Variants in TSPEAR observed in about 807,000 individuals in gnomAD.
The protein encoded by TSPEAR is thrombospondin type laminin G domain and EAR repeats, also known as thrombospondin-type laminin G domain and EAR repeat-containing protein.
In TSPEAR, 69 loss-of-function variants were observed where a neutral mutation model predicts 71.6. That is an observed-to-expected ratio of 0.96 (90% confidence interval 0.79 to 1.18). The LOEUF (loss-of-function observed/expected upper bound fraction) is 1.18, where lower values mean the gene tolerates loss of function less well. TSPEAR is among the 50% of genes most tolerant of loss of function. The probability of loss-of-function intolerance (pLI) is 0.00; values close to 1 mark genes in which losing one functional copy is unlikely to be tolerated. For synonymous variants in TSPEAR, 402 were observed against 387.2 expected (o/e 1.04, Z -0.45); for missense variants, 971 against 894.9 (o/e 1.09, Z -1.09).
chr21:44,593,520 C>G lies in TSPEAR; in HGVS notation c.83-25515G>C, dbSNP rs777439699. Reference sequence around the variant, plus strand: ...AAGCCCCTCAACTGACTAAATGGATCCCATCTTGCCCACGGGGACCCCCGA... The same window carrying G: ...AAGCCCCTCAACTGACTAAATGGATGCCATCTTGCCCACGGGGACCCCCGA... On this transcript the variant is annotated intron_variant, in intron 1 of 11. Coordinates refer to ENST00000323084, the MANE Select transcript of TSPEAR (RefSeq NM_144991.3). The surrounding 1 kb of genome is among the most constrained non-coding windows in gnomAD (Gnocchi z 5.9). 6.6e-6 allele frequency among the ~76,000 whole-genome samples: 1 copy of G among 152,146 alleles called. No homozygotes were observed. Among genetic ancestry groups the G allele is most frequent in the Non-Finnish European group, 1.5e-5 (1 of 68,032 alleles).
intron 2 of TSPEAR, among the ~76,000 whole-genome samples, chr21:44,541,935 A>G (rs1214379568): frequency 6.6e-6 from 1 of 152,248 alleles, no homozygotes; most frequent in Non-Finnish European, 1.5e-5. Context: ...CATGCAGTCA[A>G]AAAATTACTA....
chr21:44,651,008 G>C (rs73909218), intron 1 of TSPEAR, among the ~76,000 whole-genome samples: 2,263 of 152,320 alleles, frequency 0.015, 47 homozygotes, highest in African/African-American at 0.052. Context: ...CACCAGGGAG[G>C]GGGCACCAGG....
intron 1 of TSPEAR, among the ~76,000 whole-genome samples, chr21:44,603,777 C>T (rs1981136263): frequency 6.6e-6 from 1 of 152,236 alleles, no homozygotes; most frequent in Admixed American, 6.5e-5. Context: ...CACCATTTGC[C>T]CTGGTCAACA....
chr21:44,511,325 G>C (rs1013966966), intron 9 of TSPEAR, among the ~76,000 whole-genome samples: 30 of 151,702 alleles, frequency 2.0e-4, no homozygotes, highest in Non-Finnish European at 4.1e-4. Context: ...ACGCCTGCAT[G>C]CATGCATACA....
chr21:44,560,539 C>T (rs1198259840), intron 2 of TSPEAR, among the ~76,000 whole-genome samples: 1 of 152,188 alleles, frequency 6.6e-6, no homozygotes, highest in East Asian at 1.9e-4. Context: ...ACATTCTTCT[C>T]AGTGTCACAT....
chr21:44,504,791 A>T lies in TSPEAR; in HGVS notation c.1845T>A (p.Ser615Arg). 6.2e-7 allele frequency: 1 copy of T among 1,612,814 alleles called. No homozygotes were observed. Among genetic ancestry groups the T allele is most frequent in the Non-Finnish European group, 8.5e-7 (1 of 1,179,176 alleles). Residue 615 changes from serine to arginine, a missense_variant, in exon 11 of 12, where the codon AGT becomes AGA. Physicochemically the swap from Ser to Arg is moderately radical, Grantham distance 110 (BLOSUM62 -1). Transcript: ENST00000323084. ...CGGCAGCTCATTACCTGTAAATAAT[A>T]CTGTTCACCGAGAAGGTACGCCCAT... ...SFDGRTFSVN[S>R]IIYRWQGYEG...
In TSPEAR at chr21:44,522,588, T is replaced by C. The variant is rs111476782; in HGVS notation, c.1337-476A>G. 2.0e-3 allele frequency among the ~76,000 whole-genome samples: 302 copies of C among 152,054 alleles called. 1 individual carries two copies. Among genetic ancestry groups the C allele is most frequent in the African/African-American group, 7.0e-3 (290 of 41,446 alleles). On this transcript the variant is annotated intron_variant, in intron 8 of 11. Transcript: ENST00000323084. ...CCTGGGCAGGGTTGGGTCTGGGAGG[T>C]CCTGCAGGCGGAGAGATGCCCCCAG...
intron 1 of TSPEAR, among the ~76,000 whole-genome samples, chr21:44,588,742 A>T (rs1161385141): frequency 2.8e-5 from 1 of 35,364 alleles, no homozygotes; most frequent in Non-Finnish European, 6.3e-5. Context: ...ATATGTATAT[A>T]TATGTTATAT....
intron 1 of TSPEAR, among the ~76,000 whole-genome samples, chr21:44,578,428 G>A (rs1267931196): frequency 1.4e-4 from 21 of 152,068 alleles, no homozygotes; most frequent in Admixed American, 1.3e-3. Context: ...TGCCAATCCC[G>A]AATGGCTTTG....
At position 44,531,027 on chromosome 21, in the gene TSPEAR, G is replaced by C. The variant is rs1555915681; in HGVS notation, c.633+16C>G. Reference sequence around the variant, plus strand: ...CCGCAGCACGGGTGTTGGGAAGGCAGCCCCTCCATACTCGCCATGAACAGG... The same window carrying C: ...CCGCAGCACGGGTGTTGGGAAGGCACCCCCTCCATACTCGCCATGAACAGG... On this transcript the variant is annotated intron_variant, in intron 4 of 11. Coordinates refer to ENST00000323084, the MANE Select transcript of TSPEAR (RefSeq NM_144991.3). 1 of 1,606,728 alleles carries C rather than the reference G, an allele frequency of 6.2e-7. No homozygotes were observed. The highest frequency in any genetic ancestry group is 8.5e-7 in the Non-Finnish European group (1 of 1,174,178).
In TSPEAR at chr21:44,676,745, T is replaced by G. The variant is rs587756333; in HGVS notation, c.82+34688A>C. ...GCATCTCTGACTTCCTCTACGTTTC[T>G]GTCCTATTCAGCCTGCATTTTACTT... On this transcript the variant is annotated intron_variant, in intron 1 of 11. Transcript: ENST00000323084. The G allele has an allele frequency of 3.4e-5, 27 of 794,208 alleles. No homozygotes were observed. In the East Asian group the frequency reaches 6.3e-4, roughly 19 times the overall value. 49.2% of individuals were successfully genotyped at this position (794,208 alleles called of 1,614,324 possible). A position where few individuals can be genotyped will look rare whatever the true frequency, so the allele number is the denominator to read the frequency against.
rs1222393461 is a variant in TSPEAR at position 44,612,791 on chromosome 21, C to T, written c.83-44786G>A. On this transcript the variant is annotated intron_variant, in intron 1 of 11. Coordinates refer to ENST00000323084, the MANE Select transcript of TSPEAR (RefSeq NM_144991.3). This position sits in a 1 kb window ranked among gnomAD's most constrained non-coding sequence, Gnocchi z 4.1. ...TGTGCCTGTCCCCTCCTGTTGTGTC[C>T]CTGCCTCCTCCTGCCAGCCCAGCTG... The T allele has an allele frequency of 8.1e-6, 13 of 1,613,420 alleles. No individual in the cohort carries two copies. The highest frequency in any genetic ancestry group is 1.1e-5 in the Non-Finnish European group (13 of 1,179,972).
Position 44,612,448 on chromosome 21 carries a change from G to A in TSPEAR, c.83-44443C>T, listed in dbSNP as rs145256772. 351 of 1,611,652 alleles carry A rather than the reference G, an allele frequency of 2.2e-4. 1 individual carries two copies. The African/African-American group carries it at 3.7e-3, about 17-fold the overall frequency. ...GCTGCACCTCCTCCCCCTGCCAACA[G>A]GCCTGCTGTGTGCCTGTGTGCTGCA... On this transcript the variant is annotated intron_variant, in intron 1 of 11. Transcript: ENST00000323084. This position sits in a 1 kb window ranked among gnomAD's most constrained non-coding sequence, Gnocchi z 4.1.
chr21:44,699,643 C>T (rs965660282), intron 1 of TSPEAR, among the ~76,000 whole-genome samples: 3 of 152,116 alleles, frequency 2.0e-5, no homozygotes, highest in South Asian at 2.1e-4. Context: ...GGCCCTGTAA[C>T]GCCGTCTCCC....
Position 44,642,829 on chromosome 21 carries a change from G to A in TSPEAR, c.82+68604C>T, listed in dbSNP as rs587619753. 1.9e-4 allele frequency among the ~76,000 whole-genome samples: 29 copies of A among 151,544 alleles called. No homozygotes were observed. In the South Asian group the frequency reaches 5.2e-3, roughly 27 times the overall value. On this transcript the variant is annotated intron_variant, in intron 1 of 11. Coordinates refer to ENST00000323084, the MANE Select transcript of TSPEAR (RefSeq NM_144991.3). This position sits in a 1 kb window ranked among gnomAD's most constrained non-coding sequence, Gnocchi z 4.1. ...TGCACTCCAGCCTGGGCAACAGAGC[G>A]AGACTCTATCTCAAAAAAAAAAAAT...
intron 2 of TSPEAR, among the ~76,000 whole-genome samples, chr21:44,549,151 TAAACA>T (rs2053355005): frequency 6.6e-6 from 1 of 152,162 alleles, no homozygotes; most frequent in Non-Finnish European, 1.5e-5. Flanking sequence ...CCCGATTGGC[TAAACA>T]TTTAGGGGAA....
chr21:44,646,351 G>A (rs1984357415), intron 1 of TSPEAR: 3 of 1,463,380 alleles, frequency 2.1e-6, no homozygotes, highest in African/African-American at 1.4e-5. Context: ...ACACATGCCA[G>A]GGAGGGATTT....
chr21:44,549,173 G>A (rs137891884), intron 2 of TSPEAR, among the ~76,000 whole-genome samples: 5 of 152,190 alleles, frequency 3.3e-5, no homozygotes, highest in African/African-American at 1.2e-4. Context: ...GGAAGGGGTC[G>A]TCTGCGGCGA....
intron 1 of TSPEAR, chr21:44,627,719 G>A (rs782020384): frequency 6.3e-7 from 1 of 1,594,936 alleles, no homozygotes; most frequent in African/African-American, 1.3e-5. Flanking sequence ...CAGTCCTACT[G>A]TGTGCCTGTC....
Sources: allele counts gnomAD v4.1 joint callset (sites outside exome capture counted in the v4.1 genomes callset), GRCh38; gene constraint gnomAD v4.1.1; non-coding constraint Gnocchi (gnomAD v3.1); transcripts MANE v1.5; gene names NCBI Gene and HGNC (gene_info 2026-07-23, HGNC 2026-07-21).